TTC29: variants seen among roughly 807,000 people sequenced by gnomAD.
TTC29 encodes the protein tetratricopeptide repeat protein 29.
A neutral mutation model predicts 58.1 loss-of-function variants in TTC29; 49 were observed. That is an observed-to-expected ratio of 0.84 (90% CI 0.67 to 1.07). TTC29 has a LOEUF of 1.07. TTC29 is among the 50% of genes least tolerant of loss of function. TTC29 has a pLI of 0.00. For missense variants in TTC29, 582 were observed against 555.6 expected, an observed-to-expected ratio of 1.05 and a Z score of -0.48; for synonymous variants, 209 against 196.8, an observed-to-expected ratio of 1.06 and a Z score of -0.52.
intron 4 of TTC29, among the ~76,000 whole-genome samples, chr4:146,920,419 T>C (rs2150302679): frequency 6.6e-6 from 1 of 151,148 alleles, no homozygotes; most frequent in South Asian, 2.1e-4. Flanking sequence ...GTTGTAAACA[T>C]GACAAGTTTT....
chr4:146,942,833 T>G, intron 2 of TTC29: 102 of 434,670 alleles, frequency 2.3e-4, no homozygotes, highest in East Asian at 3.7e-4. Flanking sequence ...GGGTAATCTC[T>G]TCATAATTGC....
At chr4:146,819,978 G>A (rs889082471) in intron 10 of TTC29, 147 bp downstream of exon 10, 3 of 1,034,712 alleles carry the variant, frequency 2.9e-6, no homozygotes, top group Non-Finnish European at 4.3e-6. Flanking sequence ...TCCTTGCCAT[G>A]GACATTAACT....
intron 4 of TTC29, among the ~76,000 whole-genome samples, chr4:146,931,454 G>A (rs895454150): frequency 5.9e-5 from 9 of 152,154 alleles, no homozygotes; most frequent in Non-Finnish European, 1.0e-4. Context: ...TCGTCTACAC[G>A]TGTTTCATAT....
At chr4:146,843,105 T>C (rs1055621236) in intron 8 of TTC29, among the ~76,000 whole-genome samples, 9 of 152,132 alleles carry the variant, frequency 5.9e-5, no homozygotes, top group African/African-American at 2.2e-4. Flanking sequence ...TGGGCAGCCA[T>C]AGCATTCAGG....
At chr4:146,927,465 A>G (rs2150313021) in intron 4 of TTC29, among the ~76,000 whole-genome samples, 1 of 151,842 alleles carries the variant, frequency 6.6e-6, no homozygotes, top group Non-Finnish European at 1.5e-5. Flanking sequence ...ATTTGTCTAC[A>G]CTCTCTTTCC....
intron 10 of TTC29, 99 bp downstream of exon 10, chr4:146,820,026 G>A (rs1751706727): frequency 6.7e-7 from 1 of 1,485,436 alleles, no homozygotes; most frequent in Admixed American, 1.8e-5. Flanking sequence ...ATAATATATT[G>A]TGGGAAGACA....
At chr4:146,889,397 A>G (rs1732203424) in intron 6 of TTC29, among the ~76,000 whole-genome samples, 1 of 152,164 alleles carries the variant, frequency 6.6e-6, no homozygotes. Context: ...ATAACTAAAC[A>G]ATACATGCAC....
chr4:146,752,402 G>T (rs1483789596), intron 11 of TTC29, among the ~76,000 whole-genome samples: 1 of 142,776 alleles, frequency 7.0e-6, no homozygotes, highest in Non-Finnish European at 1.5e-5. Flanking sequence ...AAATAAAAGA[G>T]GATACAAACA....
At chr4:146,792,473 C>T (rs1239184193) in intron 11 of TTC29, among the ~76,000 whole-genome samples, 2 of 152,100 alleles carry the variant, frequency 1.3e-5, no homozygotes, top group Admixed American at 6.6e-5. Context: ...AGTATTACTG[C>T]TCATTGATAA....
At chr4:146,892,288 G>C (rs1465573850) in intron 6 of TTC29, among the ~76,000 whole-genome samples, 1 of 152,116 alleles carries the variant, frequency 6.6e-6, no homozygotes, top group Non-Finnish European at 1.5e-5. Flanking sequence ...GGCCACCACA[G>C]CCATGCATCC....
chr4:146,845,397 G>A (rs985420745), intron 8 of TTC29, among the ~76,000 whole-genome samples: 1 of 152,082 alleles, frequency 6.6e-6, no homozygotes, highest in African/African-American at 2.4e-5. Context: ...AAAGTAAGTT[G>A]CTTGTGTATT....
At chr4:146,732,267 T>C (rs1484051857) in intron 11 of TTC29, among the ~76,000 whole-genome samples, 2 of 152,290 alleles carry the variant, frequency 1.3e-5, no homozygotes, top group Middle Eastern at 6.8e-3. Context: ...TTATAGACTT[T>C]AAAAATATAT....
chr4:146,778,540 T>C (rs888211478), intron 11 of TTC29, among the ~76,000 whole-genome samples: 7 of 152,202 alleles, frequency 4.6e-5, no homozygotes, highest in African/African-American at 1.4e-4. Flanking sequence ...TCATATGTGC[T>C]TGAAAATAAT....
In TTC29 at chr4:146,830,013, T is replaced by A. The variant is rs114336045; in HGVS notation, c.977+3793A>T. On this transcript the variant is annotated intron_variant, in intron 9 of 12. Coordinates refer to ENST00000325106, the MANE Select transcript of TTC29 (RefSeq NM_031956.4). ...TTTCCCTCTCTGTATTTACTCAAAC[T>A]GTCTGTCTGTATGATAATAATATTT... 3.8e-3 allele frequency among the ~76,000 whole-genome samples: 583 copies of A among 152,276 alleles called. 7 individuals are homozygous for A. The highest frequency in any genetic ancestry group is 0.013 in the African/African-American group (539 of 41,564).
chr4:146,903,603 T>C lies in TTC29; in HGVS notation c.527A>G (p.Asp176Gly). 1 of 1,612,792 alleles carries C rather than the reference T, an allele frequency of 6.2e-7. No individual in the cohort carries two copies. Among genetic ancestry groups the C allele is most frequent in the African/African-American group, 1.3e-5 (1 of 74,988 alleles). ...TGCCTCGGCTTCTTTCTTCCCACAG[T>C]CAATTTTGATCAGCTGAGCAATCTT... ...CFKIAQLIKI[D>G]CGKKEAEAHM... Residue 176 changes from aspartate to glycine, a missense_variant, in exon 6 of 13, where the codon GAC (aspartate) becomes GGC (glycine). Physicochemically the swap from Asp to Gly is moderately conservative, Grantham distance 94. Transcript: ENST00000325106.
intron 6 of TTC29, among the ~76,000 whole-genome samples, chr4:146,894,184 A>G (rs1732591826): frequency 6.6e-6 from 1 of 152,214 alleles, no homozygotes. Context: ...TACTGGGTAT[A>G]TACCCAAAGG....
chr4:146,774,411 ACT>A (rs557391760), intron 11 of TTC29, among the ~76,000 whole-genome samples: 129 of 151,560 alleles, frequency 8.5e-4, no homozygotes, highest in African/African-American at 3.1e-3. Context: ...CATCCCAGAG[ACT>A]CTGTTACATC....
At chr4:146,775,871 C>T (rs1748054300) in intron 11 of TTC29, among the ~76,000 whole-genome samples, 1 of 152,126 alleles carries the variant, frequency 6.6e-6, no homozygotes, top group Admixed American at 6.5e-5. Context: ...CTTTCTCGCC[C>T]TCTCTTTTGG....
At chr4:146,729,475 G>T (rs1744169778) in intron 11 of TTC29, among the ~76,000 whole-genome samples, 1 of 151,994 alleles carries the variant, frequency 6.6e-6, no homozygotes, top group African/African-American at 2.4e-5. Context: ...ATTTTGTCAT[G>T]CAGAGTTTTT....
Sources: allele counts gnomAD v4.1 joint callset (sites outside exome capture counted in the v4.1 genomes callset), GRCh38; gene constraint gnomAD v4.1.1; transcripts MANE v1.5; gene names NCBI Gene and HGNC (gene_info 2026-07-23, HGNC 2026-07-21).